The following DTNA variants were observed in gnomAD, a reference collection of about 807,000 sequenced individuals.
The protein encoded by DTNA is dystrobrevin alpha, also known as dystrophin-related protein 3.
Under a neutral mutation model 100.7 loss-of-function variants are expected in DTNA, and 43 were observed. That is an observed-to-expected ratio of 0.43 (90% CI 0.33 to 0.55). DTNA has a LOEUF of 0.55. DTNA is among the 20% of genes least tolerant of loss of function. The probability of loss-of-function intolerance (pLI) is 0.04; values close to 1 mark genes in which losing one functional copy is unlikely to be tolerated. For missense variants in DTNA, 798 were observed against 953.9 expected, an observed-to-expected ratio of 0.84 and a Z score of 2.15; for synonymous variants, 349 against 347.9, an observed-to-expected ratio of 1.00 and a Z score of -0.04.
intron 14 of DTNA, among the ~76,000 whole-genome samples, chr18:34,849,106 A>G (rs2096434435): frequency 6.6e-6 from 1 of 152,234 alleles, no homozygotes; most frequent in South Asian, 2.1e-4. Context: ...TACCATGAGC[A>G]AGATGGAGGG....
intron 1 of DTNA, among the ~76,000 whole-genome samples, chr18:34,662,135 GTT>G (rs34780258): frequency 5.2e-5 from 7 of 135,822 alleles, no homozygotes; most frequent in Non-Finnish European, 6.4e-5. Flanking sequence ...ACCGGTTGTT[GTT>G]TTTTTTTTTT....
At chr18:34,790,271 T>C (rs1371771848) in intron 3 of DTNA, among the ~76,000 whole-genome samples, 2 of 152,054 alleles carry the variant, frequency 1.3e-5, no homozygotes, top group Non-Finnish European at 1.5e-5. Flanking sequence ...ACAGACAAAC[T>C]GTTGGTCTAC....
At chr18:34,586,312 A>G (rs1031214648) in intron 1 of DTNA, among the ~76,000 whole-genome samples, 1 of 152,178 alleles carries the variant, frequency 6.6e-6, no homozygotes, top group African/African-American at 2.4e-5. Flanking sequence ...TTATTAGGTC[A>G]TTAAGAGGGA....
chr18:34,802,106 T>G (rs150400320), intron 4 of DTNA, among the ~76,000 whole-genome samples: 1 of 152,368 alleles, frequency 6.6e-6, no homozygotes, highest in Non-Finnish European at 1.5e-5. Context: ...CTGCCATGGC[T>G]TTTCATAAAA....
chr18:34,572,517 A>T (rs1182342800), intron 1 of DTNA, among the ~76,000 whole-genome samples: 1 of 150,076 alleles, frequency 6.7e-6, no homozygotes, highest in East Asian at 1.9e-4. Flanking sequence ...ATTTATAGAG[A>T]TTAAGTAACT....
chr18:34,756,752 C>T (rs182069730), intron 2 of DTNA, among the ~76,000 whole-genome samples: 3 of 152,026 alleles, frequency 2.0e-5, no homozygotes, highest in Admixed American at 2.0e-4. Context: ...GGTAGCATCT[C>T]CCTTGTAGAC....
chr18:34,552,885 A>T (rs1361525755), intron 1 of DTNA, among the ~76,000 whole-genome samples: 1 of 142,480 alleles, frequency 7.0e-6, no homozygotes, highest in Non-Finnish European at 1.5e-5. Context: ...TCCTTTGGGT[A>T]TATACCCAGT....
At chr18:34,584,342 G>T (rs753667000) in intron 1 of DTNA, among the ~76,000 whole-genome samples, 1 of 152,124 alleles carries the variant, frequency 6.6e-6, no homozygotes, top group African/African-American at 2.4e-5. Flanking sequence ...CAAAGACTCT[G>T]GAGAGAACAG....
intron 1 of DTNA, among the ~76,000 whole-genome samples, chr18:34,641,878 G>T (rs1418320606): frequency 1.3e-5 from 2 of 152,124 alleles, no homozygotes; most frequent in African/African-American, 4.8e-5. Context: ...TAAGTTACAT[G>T]CGTGCTGACT....
intron 21 of DTNA, among the ~76,000 whole-genome samples, chr18:34,882,476 C>A (rs1473715443): frequency 6.6e-6 from 1 of 152,082 alleles, no homozygotes; most frequent in Non-Finnish European, 1.5e-5. Flanking sequence ...TTAAGTGATT[C>A]TCCTGCCTCA....
At chr18:34,535,149 C>T (rs1241153782) in intron 1 of DTNA, among the ~76,000 whole-genome samples, 2 of 152,164 alleles carry the variant, frequency 1.3e-5, no homozygotes, top group East Asian at 1.9e-4. Context: ...GCCTCACCAG[C>T]ATCTATTGTT....
At chr18:34,775,781 T>C (rs2148695464) in intron 3 of DTNA, among the ~76,000 whole-genome samples, 1 of 152,372 alleles carries the variant, frequency 6.6e-6, no homozygotes, top group East Asian at 1.9e-4. Context: ...AGCCAACACC[T>C]TGATTTAATC....
chr18:34,590,724 G>T (rs1208179652), intron 1 of DTNA, among the ~76,000 whole-genome samples: 1 of 152,178 alleles, frequency 6.6e-6, no homozygotes, highest in Non-Finnish European at 1.5e-5. Context: ...TTGGAAGCAA[G>T]CCCTAGAAGC....
intron 1 of DTNA, among the ~76,000 whole-genome samples, chr18:34,647,493 T>G (rs980526226): frequency 6.6e-6 from 1 of 152,198 alleles, no homozygotes; most frequent in Admixed American, 6.5e-5. Flanking sequence ...TGGCTACAAC[T>G]TAACCACATG....
chr18:34,789,957 C>G (rs2094645569), intron 3 of DTNA, among the ~76,000 whole-genome samples: 1 of 152,118 alleles, frequency 6.6e-6, no homozygotes, highest in South Asian at 2.1e-4. Context: ...ATTTTCAGTT[C>G]CACTTTTCTA....
At chr18:34,769,197 G>C (rs2093638190) in intron 3 of DTNA, among the ~76,000 whole-genome samples, 1 of 152,142 alleles carries the variant, frequency 6.6e-6, no homozygotes, top group Non-Finnish European at 1.5e-5. Flanking sequence ...ATATGTCTTT[G>C]CAAAGTTTTC....
intron 1 of DTNA, among the ~76,000 whole-genome samples, chr18:34,613,652 A>G (rs1032555730): frequency 6.6e-6 from 1 of 152,226 alleles, no homozygotes; most frequent in Non-Finnish European, 1.5e-5. Flanking sequence ...CTTAAGCCAG[A>G]GCCTAATCCA....
chr18:34,800,558 T>C (rs1043946352), intron 4 of DTNA, among the ~76,000 whole-genome samples: 37 of 152,158 alleles, frequency 2.4e-4, no homozygotes, highest in Admixed American at 6.5e-4. Flanking sequence ...GCCACCAAAA[T>C]GTGTGAGAAA....
At chr18:34,655,567 T>C (rs954817377) in intron 1 of DTNA, among the ~76,000 whole-genome samples, 15 of 152,222 alleles carry the variant, frequency 9.9e-5, no homozygotes. Context: ...TATCTTTCAA[T>C]TTACTCATGT....
Sources: gnomAD v4.1 joint callset for allele counts (sites outside exome capture counted in the v4.1 genomes callset) on GRCh38, gnomAD v4.1.1 for gene constraint, MANE v1.5 for transcripts, NCBI Gene and HGNC (gene_info 2026-07-23, HGNC 2026-07-21) for gene names.